The following TMEM87B variants were observed in gnomAD, a reference collection of about 807,000 sequenced individuals.
The protein encoded by TMEM87B is transmembrane protein 87B.
Under a neutral mutation model 80.3 loss-of-function variants are expected in TMEM87B, and 83 were observed. The ratio of observed to expected loss-of-function variants is 1.03; its 90% confidence interval spans 0.87 to 1.24. The LOEUF is 1.24. TMEM87B is among the 50% of genes most tolerant of loss of function. TMEM87B has a pLI of 0.00. For synonymous variants in TMEM87B, 219 were observed against 230.5 expected (o/e 0.95, Z 0.45); for missense variants, 625 against 674.4 (o/e 0.93, Z 0.81).
chr2:112,056,473 A>G (rs538887064), intron 1 of TMEM87B, among the ~76,000 whole-genome samples: 1 of 152,160 alleles, frequency 6.6e-6, no homozygotes, highest in East Asian at 1.9e-4. Context: ...GCGTCTGGTA[A>G]TTAGAGGAGA....
intron 17 of TMEM87B, among the ~76,000 whole-genome samples, chr2:112,111,451 G>A (rs188375354): frequency 6.6e-6 from 1 of 152,236 alleles, no homozygotes; most frequent in African/African-American, 2.4e-5. Flanking sequence ...AAAATCCTTT[G>A]AAATATAGAA....
intron 11 of TMEM87B, among the ~76,000 whole-genome samples, chr2:112,093,572 A>C (rs971807321): frequency 6.6e-6 from 1 of 152,178 alleles, no homozygotes; most frequent in Non-Finnish European, 1.5e-5. Flanking sequence ...AGCATATTCT[A>C]CTTTGTTCAG....
intron 17 of TMEM87B, among the ~76,000 whole-genome samples, chr2:112,111,172 G>A (rs564984946): frequency 6.6e-6 from 1 of 152,010 alleles, no homozygotes; most frequent in Non-Finnish European, 1.5e-5. Context: ...TGTCTTTTGT[G>A]GTTTTGTTTG....
At chr2:112,093,192 C>T (rs1445258707) in intron 11 of TMEM87B, among the ~76,000 whole-genome samples, 2 of 152,166 alleles carry the variant, frequency 1.3e-5, no homozygotes, top group East Asian at 3.8e-4. Context: ...CTTTTCTGAG[C>T]CACTTGTGGG....
At chr2:112,099,525 CATATATATATATAT>C (rs778514391) in intron 14 of TMEM87B, among the ~76,000 whole-genome samples, 2 of 122,820 alleles carry the variant, frequency 1.6e-5, no homozygotes, top group Admixed American at 8.2e-5. Context: ...TACAATAATA[CATATATATATATAT>C]ATATATATAT....
chr2:112,072,153 C>A (rs1321750822), intron 4 of TMEM87B, among the ~76,000 whole-genome samples: 1 of 152,190 alleles, frequency 6.6e-6, no homozygotes, highest in African/African-American at 2.4e-5. Flanking sequence ...GGTAGATTAA[C>A]TTTTTGATGT....
At chr2:112,080,961 G>A (rs1678978103) in intron 6 of TMEM87B, 96 bp from the exon 7 acceptor site, 15 of 1,019,638 alleles carry the variant, frequency 1.5e-5, no homozygotes, top group Middle Eastern at 2.1e-4. Context: ...GCATTTGTTA[G>A]TGTGGTTTGT....
chr2:112,084,892 G>C (rs150358220), intron 8 of TMEM87B, among the ~76,000 whole-genome samples: 1 of 152,186 alleles, frequency 6.6e-6, no homozygotes, highest in Admixed American at 6.5e-5. Context: ...CCAGCAGTCA[G>C]CACATTTTTT....
chr2:112,093,468 A>G (rs1031881687), intron 11 of TMEM87B, among the ~76,000 whole-genome samples: 6 of 152,194 alleles, frequency 3.9e-5, no homozygotes, highest in African/African-American at 1.2e-4. Flanking sequence ...AGACTTACCA[A>G]ATTATATCTG....
At chr2:112,086,797 T>TG (rs1272922739) in intron 9 of TMEM87B, among the ~76,000 whole-genome samples, 2 of 152,264 alleles carry the variant, frequency 1.3e-5, no homozygotes, top group Non-Finnish European at 2.9e-5. Context: ...CAGAAGGCCA[T>TG]GGGGTCTCAG....
In TMEM87B at chr2:112,060,000, G is replaced by T; in HGVS notation, c.189G>T (p.Arg63Ser). The change falls in exon 2 of 19, where the codon AGG becomes AGT. Residue 63 changes from arginine to serine, a missense_variant. Arg to Ser is a moderately radical substitution (Grantham distance 110, BLOSUM62 -1). Coordinates refer to ENST00000283206, the MANE Select transcript of TMEM87B (RefSeq NM_032824.3). ...VNDKSGPLIF[R>S]KTMFNSTDIK... is the part of the protein sequence containing the mutation. ...AGAAATCAGGACCTTTGATATTTAG[G>T]AAAACTATGTTTAACTCTACAGATA... The T allele has an allele frequency of 6.3e-7, 1 of 1,593,274 alleles. No homozygotes were observed. The highest frequency in any genetic ancestry group is 8.6e-7 in the Non-Finnish European group (1 of 1,166,674).
chr2:112,080,578 G>GT (rs1034571097), intron 6 of TMEM87B, among the ~76,000 whole-genome samples: 6 of 152,190 alleles, frequency 3.9e-5, no homozygotes, highest in East Asian at 1.9e-4. Flanking sequence ...TTTTAATTGG[G>GT]TTTTTTGTTT....
At chr2:112,074,773 G>A (rs1486270226) in intron 4 of TMEM87B, 139 bp from the exon 5 acceptor site, 8 of 1,105,888 alleles carry the variant, frequency 7.2e-6, no homozygotes, top group Non-Finnish European at 9.7e-6. Flanking sequence ...TTGTGTTTGG[G>A]ATACAGTGAG....
rs1339198757 is a variant in TMEM87B, at chr2:112,055,419, G to A, written c.-173G>A. 7 of 716,662 alleles carry A rather than the reference G, an allele frequency of 9.8e-6. No homozygotes were observed. Among genetic ancestry groups the A allele is most frequent in the Non-Finnish European group, 1.5e-5 (7 of 474,686 alleles). 44.4% of individuals were successfully genotyped at this position (716,662 alleles called of 1,614,324 possible). A position where few individuals can be genotyped will look rare whatever the true frequency, so the allele number is the denominator to read the frequency against. ...AAGCCCTGCCTCCCGGTCCTGGCCGGGTTTCCCAGAACTGCACGGCGCCTC... is the reference window on the plus strand; with the variant it reads ...AAGCCCTGCCTCCCGGTCCTGGCCGAGTTTCCCAGAACTGCACGGCGCCTC... On this transcript the variant is annotated 5_prime_UTR_variant, in exon 1 of 19. Coordinates refer to ENST00000283206, the MANE Select transcript of TMEM87B (RefSeq NM_032824.3).
intron 11 of TMEM87B, among the ~76,000 whole-genome samples, chr2:112,093,576 TG>T (rs1339342266): frequency 6.6e-6 from 1 of 152,220 alleles, no homozygotes; most frequent in Non-Finnish European, 1.5e-5. Context: ...TATTCTACTT[TG>T]TTCAGAGCTG....
chr2:112,067,556 G>C, intron 4 of TMEM87B, among the ~76,000 whole-genome samples: 1 of 152,232 alleles, frequency 6.6e-6, no homozygotes, highest in East Asian at 1.9e-4. Flanking sequence ...CCATGATTGC[G>C]CCACTGCACT....
chr2:112,057,296 CAG>C (rs1354376384), intron 1 of TMEM87B, among the ~76,000 whole-genome samples: 3 of 152,190 alleles, frequency 2.0e-5, no homozygotes, highest in South Asian at 4.1e-4. Flanking sequence ...TTGTTTGAGA[CAG>C]AGTCTTGTTC....
At chr2:112,110,017 C>T (rs1006496184) in intron 17 of TMEM87B, among the ~76,000 whole-genome samples, 1 of 152,114 alleles carries the variant, frequency 6.6e-6, no homozygotes, top group South Asian at 2.1e-4. Flanking sequence ...CCATCTGCCT[C>T]GGCCTTCCAA....
chr2:112,066,568 T>C (rs150795374), intron 3 of TMEM87B, among the ~76,000 whole-genome samples: 65 of 152,368 alleles, frequency 4.3e-4, no homozygotes, highest in Admixed American at 1.2e-3. Flanking sequence ...TGTAGTTGAA[T>C]GCTACTTTCT....
Sources: allele counts gnomAD v4.1 joint callset (sites outside exome capture counted in the v4.1 genomes callset), GRCh38; gene constraint gnomAD v4.1.1; transcripts MANE v1.5; gene names NCBI Gene and HGNC (gene_info 2026-07-23, HGNC 2026-07-21).